The following FOCAD variants were observed in gnomAD, a reference collection of about 807,000 sequenced individuals.
FOCAD encodes KIAA1797.
Under a neutral mutation model 225.6 loss-of-function variants are expected in FOCAD, and 198 were observed. That is an observed-to-expected ratio of 0.88 (90% CI 0.78 to 0.99). The LOEUF is 0.99. Among genes scored for constraint, FOCAD ranks in the 50% least tolerant of loss-of-function variants. The pLI is 0.00. For missense variants in FOCAD, 2,713 were observed against 2,123.6 expected (o/e 1.28, Z -5.46); for synonymous variants, 897 against 755.0 (o/e 1.19, Z -3.08).
At position 20,820,442 on chromosome 9, in the gene FOCAD, A is replaced by T; in HGVS notation, c.1662+17A>T. On this transcript the variant is annotated intron_variant, in intron 13 of 43. Coordinates refer to ENST00000338382, the MANE Select transcript of FOCAD (RefSeq NM_001375567.1). ...GAAAAGCAGGTAATTTCAGATATAC[A>T]CTTGCATGAGTATTAAATATGTTCC... 2 of 1,588,370 alleles carry T rather than the reference A, an allele frequency of 1.3e-6. No homozygotes were observed. Among genetic ancestry groups the T allele is most frequent in the African/African-American group, 1.3e-5 (1 of 74,414 alleles).
chr9:20,920,917 A>G (rs975672599), intron 24 of FOCAD, among the ~76,000 whole-genome samples: 30 of 151,742 alleles, frequency 2.0e-4, no homozygotes, highest in African/African-American at 6.3e-4. Flanking sequence ...TACATATGTA[A>G]CTAACCTGCA....
At chr9:20,769,618 C>A (rs138343360) in intron 7 of FOCAD, among the ~76,000 whole-genome samples, 3 of 152,178 alleles carry the variant, frequency 2.0e-5, no homozygotes, top group Admixed American at 1.3e-4. Context: ...GGCTTAGTAC[C>A]GTGTTAGAAT....
intron 6 of FOCAD, among the ~76,000 whole-genome samples, chr9:20,763,645 G>A (rs547927010): frequency 6.6e-6 from 1 of 152,306 alleles, no homozygotes; most frequent in African/African-American, 2.4e-5. Context: ...AATATTACAG[G>A]TAGAGGGAAT....
intron 11 of FOCAD, among the ~76,000 whole-genome samples, chr9:20,800,662 C>T (rs897362379): frequency 1.3e-5 from 2 of 152,120 alleles, no homozygotes; most frequent in African/African-American, 4.8e-5. Flanking sequence ...CTTGTGCATT[C>T]GTCAAATAGT....
chr9:20,882,142 G>A, intron 20 of FOCAD, 86 bp downstream of exon 20: 3 of 1,157,152 alleles, frequency 2.6e-6, no homozygotes, highest in Non-Finnish European at 3.7e-6. Flanking sequence ...ATGGGCCATG[G>A]CAGGGTGTTG....
chr9:20,851,115 T>A (rs1827603429), intron 15 of FOCAD, among the ~76,000 whole-genome samples: 1 of 151,552 alleles, frequency 6.6e-6, no homozygotes. Flanking sequence ...TTGTCTTGTC[T>A]ATCTCTAGTG....
chr9:20,743,624 A>G (rs1827804989), intron 5 of FOCAD, among the ~76,000 whole-genome samples: 1 of 152,150 alleles, frequency 6.6e-6, no homozygotes, highest in Admixed American at 6.5e-5. Flanking sequence ...GTGGTTCTCA[A>G]ACTTGTCTTG....
intron 21 of FOCAD, among the ~76,000 whole-genome samples, chr9:20,894,398 A>G (rs1041363480): frequency 2.0e-5 from 3 of 152,130 alleles, no homozygotes; most frequent in African/African-American, 7.2e-5. Flanking sequence ...GCCAAGGAGC[A>G]CACTTGCTGG....
intron 1 of FOCAD, among the ~76,000 whole-genome samples, chr9:20,707,509 G>C (rs1036640794): frequency 6.6e-6 from 1 of 152,070 alleles, no homozygotes; most frequent in Non-Finnish European, 1.5e-5. Context: ...TAGTCTTATG[G>C]ATATTATAAA....
At chr9:20,853,313 G>A (rs1254553405) in intron 15 of FOCAD, among the ~76,000 whole-genome samples, 1 of 151,736 alleles carries the variant, frequency 6.6e-6, no homozygotes, top group Admixed American at 6.6e-5. Context: ...GTCTCTGGCT[G>A]TTGAGTAGTG....
At chr9:20,862,309 G>C (rs1828844779) in intron 15 of FOCAD, among the ~76,000 whole-genome samples, 1 of 151,870 alleles carries the variant, frequency 6.6e-6, no homozygotes, top group South Asian at 2.1e-4. Context: ...GTGGGAGTGA[G>C]AGCTTGTGTG....
chr9:20,985,121 A>G (rs1019634385), intron 39 of FOCAD, among the ~76,000 whole-genome samples: 2 of 152,108 alleles, frequency 1.3e-5, no homozygotes, highest in Non-Finnish European at 2.9e-5. Context: ...TAGTTCCTTA[A>G]AGGTTAGTTG....
chr9:20,767,148 A>G (rs1394676434), intron 7 of FOCAD, among the ~76,000 whole-genome samples: 3 of 150,302 alleles, frequency 2.0e-5, no homozygotes, highest in African/African-American at 7.3e-5. Context: ...TACAAAGGAC[A>G]TGAACTCATC....
At chr9:20,807,046 A>T (rs1248630810) in intron 11 of FOCAD, among the ~76,000 whole-genome samples, 1 of 152,252 alleles carries the variant, frequency 6.6e-6, no homozygotes, top group Non-Finnish European at 1.5e-5. Flanking sequence ...AATGAAAATA[A>T]CAAAACAACC....
At chr9:20,767,764 A>G (rs1353308651) in intron 7 of FOCAD, among the ~76,000 whole-genome samples, 2 of 146,716 alleles carry the variant, frequency 1.4e-5, no homozygotes, top group African/African-American at 5.0e-5. Flanking sequence ...ATTTTCTCCC[A>G]TTTTGTAGGT....
intron 27 of FOCAD, among the ~76,000 whole-genome samples, chr9:20,930,256 G>GTT (rs1275374568): frequency 6.6e-6 from 1 of 152,042 alleles, no homozygotes; most frequent in South Asian, 2.1e-4. Context: ...AATCGGAAAG[G>GTT]TTTTTTTAGT....
intron 15 of FOCAD, among the ~76,000 whole-genome samples, chr9:20,824,057 T>C (rs555243217): frequency 6.6e-6 from 1 of 152,084 alleles, no homozygotes. Flanking sequence ...GTGAACATCA[T>C]TGCTGTTTAA....
chr9:20,711,107 A>G (rs1824811324), intron 1 of FOCAD, among the ~76,000 whole-genome samples: 1 of 152,238 alleles, frequency 6.6e-6, no homozygotes, highest in Non-Finnish European at 1.5e-5. Flanking sequence ...ATGCAGTAAC[A>G]CTGAATATAA....
At chr9:20,704,958 T>A (rs1824259783) in intron 1 of FOCAD, among the ~76,000 whole-genome samples, 1 of 152,212 alleles carries the variant, frequency 6.6e-6, no homozygotes, top group Non-Finnish European at 1.5e-5. Context: ...CATTCCGGGC[T>A]TTTCTTTGTG....
Sources: gnomAD v4.1 joint callset for allele counts (sites outside exome capture counted in the v4.1 genomes callset) on GRCh38, gnomAD v4.1.1 for gene constraint, MANE v1.5 for transcripts, NCBI Gene and HGNC (gene_info 2026-07-23, HGNC 2026-07-21) for gene names.